EIF4G3: variants seen among roughly 807,000 people sequenced by gnomAD.
EIF4G3 encodes eukaryotic translation initiation factor 4 gamma 3.
A neutral mutation model predicts 186.4 loss-of-function variants in EIF4G3; 34 were observed. The observed-to-expected ratio is 0.18, with a 90% confidence interval of 0.14 to 0.24. The LOEUF (loss-of-function observed/expected upper bound fraction) is 0.24, where lower values mean the gene tolerates loss of function less well. EIF4G3 is among the 10% of genes least tolerant of loss of function. The pLI is 1.00. For synonymous variants in EIF4G3, 673 were observed against 679.5 expected, an observed-to-expected ratio of 0.99 and a Z score of 0.15; for missense variants, 1,536 against 1,948.5, an observed-to-expected ratio of 0.79 and a Z score of 3.99.
intron 13 of EIF4G3, among the ~76,000 whole-genome samples, chr1:20,943,974 TTGTGTGTGTGTGTGTGTGTGTGTG>T: frequency 1.6e-5 from 1 of 62,540 alleles, no homozygotes; most frequent in African/African-American, 5.5e-5. Flanking sequence ...TTTATTTTTT[TTGTGTGTGTGTGTGTGTGTGTGTG>T]TGTGTGTGTG....
chr1:20,981,022 C>A, intron 9 of EIF4G3, 26 bp downstream of exon 9: 1 of 1,476,176 alleles, frequency 6.8e-7, no homozygotes, highest in South Asian at 1.5e-5. Context: ...TATTGCTGGA[C>A]CACCTAGGCC....
chr1:21,000,632 T>C (rs1327990541), intron 6 of EIF4G3, among the ~76,000 whole-genome samples: 1 of 151,266 alleles, frequency 6.6e-6, no homozygotes, highest in Non-Finnish European at 1.5e-5. Flanking sequence ...AAAAACCCCA[T>C]AACAAAATAA....
At chr1:20,962,403 A>G (rs2073525256) in intron 12 of EIF4G3, among the ~76,000 whole-genome samples, 1 of 152,208 alleles carries the variant, frequency 6.6e-6, no homozygotes, top group African/African-American at 2.4e-5. Context: ...TTCCAATACT[A>G]TGCTGTATTT....
At chr1:20,987,979 A>C (rs368643711) in intron 7 of EIF4G3, among the ~76,000 whole-genome samples, 221 of 152,364 alleles carry the variant, frequency 1.5e-3, no homozygotes, top group African/African-American at 4.9e-3. Context: ...CAAATGATAA[A>C]GCAAAACAGC....
In EIF4G3 at chr1:21,164,504, A is replaced by G. The variant is rs545981816; in HGVS notation, c.-272+11671T>C. On this transcript the variant is annotated intron_variant, in intron 2 of 36. Transcript: ENST00000602326. ...CACTTTGGGAAGCCAAGGCAGGAGA[A>G]TCACTTGAGCTCAGGAGTTTGAGAC... 2.6e-5 allele frequency among the ~76,000 whole-genome samples: 4 copies of G among 152,296 alleles called. No individual in the cohort carries two copies. The South Asian group carries it at 8.3e-4, about 32-fold the overall frequency.
intron 3 of EIF4G3, among the ~76,000 whole-genome samples, chr1:21,074,553 A>G (rs2095530987): frequency 6.6e-6 from 1 of 152,216 alleles, no homozygotes; most frequent in Non-Finnish European, 1.5e-5. Context: ...ATTTATATAC[A>G]TAAATCTTCT....
chr1:21,023,870 C>T (rs2091454612), intron 4 of EIF4G3, among the ~76,000 whole-genome samples: 1 of 138,592 alleles, frequency 7.2e-6, no homozygotes, highest in East Asian at 2.0e-4. Flanking sequence ...TCTGCCCGGC[C>T]GCCCATCGTC....
At chr1:20,875,365 A>C (rs1259361701) in intron 20 of EIF4G3, among the ~76,000 whole-genome samples, 1 of 152,238 alleles carries the variant, frequency 6.6e-6, no homozygotes, top group Non-Finnish European at 1.5e-5. Flanking sequence ...TGAGCTGTAC[A>C]GTAATGATTT....
intron 3 of EIF4G3, among the ~76,000 whole-genome samples, chr1:21,053,161 G>A (rs558517429): frequency 3.9e-4 from 59 of 150,022 alleles, no homozygotes; most frequent in South Asian, 2.1e-4. Flanking sequence ...GCCGCCCATC[G>A]TCTGAGATGT....
At chr1:21,072,592 C>T (rs1348012375) in intron 3 of EIF4G3, among the ~76,000 whole-genome samples, 1 of 151,478 alleles carries the variant, frequency 6.6e-6, no homozygotes, top group Non-Finnish European at 1.5e-5. Flanking sequence ...TTAGTAGAGA[C>T]GGGGTTTCAC....
chr1:20,841,705 A>T (rs542676548), intron 29 of EIF4G3, among the ~76,000 whole-genome samples: 1 of 152,234 alleles, frequency 6.6e-6, no homozygotes, highest in East Asian at 1.9e-4. Flanking sequence ...AGCCAAGTCA[A>T]TATCTTTGGT....
chr1:21,075,853 G>A (rs1392726495), intron 3 of EIF4G3, among the ~76,000 whole-genome samples: 1 of 151,656 alleles, frequency 6.6e-6, no homozygotes, highest in Non-Finnish European at 1.5e-5. Context: ...TGATCTAAAG[G>A]GTGAGATAGA....
intron 4 of EIF4G3, among the ~76,000 whole-genome samples, chr1:21,029,464 TC>T (rs1165202351): frequency 6.9e-5 from 10 of 144,248 alleles, no homozygotes; most frequent in African/African-American, 2.6e-4. Flanking sequence ...AGAAATTGAG[TC>T]GGGGGGGGGA....
intron 3 of EIF4G3, among the ~76,000 whole-genome samples, chr1:21,064,009 T>G (rs1319018424): frequency 1.3e-5 from 2 of 152,006 alleles, no homozygotes; most frequent in East Asian, 3.9e-4. Context: ...ATTACAGGCA[T>G]GAGCCACCAT....
chr1:20,915,851 T>C (rs2093804753), intron 14 of EIF4G3, among the ~76,000 whole-genome samples: 1 of 152,150 alleles, frequency 6.6e-6, no homozygotes, highest in Non-Finnish European at 1.5e-5. Flanking sequence ...GTATTGAAGG[T>C]TCCAGCTAGT....
At chr1:21,162,026 GC>G (rs2097775928) in intron 2 of EIF4G3, 1 of 153,602 alleles carries the variant, frequency 6.5e-6, no homozygotes, top group Non-Finnish European at 1.5e-5. Flanking sequence ...TGCCAAAGCA[GC>G]TCTACATGAC....
chr1:21,110,521 C>G lies in EIF4G3; in HGVS notation c.-271-21308G>C, dbSNP rs1042445619. On this transcript the variant is annotated intron_variant, in intron 2 of 36. Transcript: ENST00000602326. ...TGTTACCCAGCCTGATCTTGAACTC[C>G]TGAGCTCAGGCAATTCGCCCACCTC... 9.2e-5 allele frequency among the ~76,000 whole-genome samples: 14 copies of G among 152,126 alleles called. No homozygotes were observed. The South Asian group carries it at 1.7e-3, about 18-fold the overall frequency.
Position 20,950,108 on chromosome 1 carries a change from G to A in EIF4G3, c.718C>T (p.Leu240=). 6.3e-7 allele frequency: 1 copy of A among 1,582,458 alleles called. No individual in the cohort carries two copies. Among genetic ancestry groups the A allele is most frequent in the Non-Finnish European group, 8.6e-7 (1 of 1,169,162 alleles). ...CTGTGCTCGGGGACCTGGCTGGGCA[G>A]CTGCTGGGATTTGAAGTACAAAAAA... ...PTSTPTPPQQ[L]PSQVPEHSPV... The change falls in exon 13 of 37, where the codon CTG becomes TTG. Residue 240 remains leucine (L), a synonymous_variant. Coordinates refer to ENST00000602326, the MANE Select transcript of EIF4G3 (RefSeq NM_001391906.1).
chr1:20,974,110 C>A lies in EIF4G3; in HGVS notation c.494-1011G>T, dbSNP rs927461534. Among the ~76,000 whole-genome samples, 3 of 152,104 alleles carry A rather than the reference C, an allele frequency of 2.0e-5. No homozygotes were observed. The East Asian group carries it at 5.8e-4, about 29-fold the overall frequency. ...GTTTGGGGCAGAAAAATCAAGAGTTCAGTTTTAGACAGGTCAAGTTTCGGG... is the reference window on the plus strand; with the variant it reads ...GTTTGGGGCAGAAAAATCAAGAGTTAAGTTTTAGACAGGTCAAGTTTCGGG... On this transcript the variant is annotated intron_variant, in intron 10 of 36. Transcript: ENST00000602326.
Sources: gnomAD v4.1 joint callset for allele counts (sites outside exome capture counted in the v4.1 genomes callset) on GRCh38, gnomAD v4.1.1 for gene constraint, MANE v1.5 for transcripts, NCBI Gene and HGNC (gene_info 2026-07-23, HGNC 2026-07-21) for gene names.